Variants in GRIN2A observed in about 807,000 individuals in gnomAD.
GRIN2A encodes glutamate ionotropic receptor NMDA type subunit 2A.
GRIN2A carries 22 observed loss-of-function variants against 113.4 expected under a neutral mutation model. The observed-to-expected ratio is 0.19, with a 90% CI of 0.14 to 0.28. The LOEUF (loss-of-function observed/expected upper bound fraction) is 0.28, where lower values mean the gene tolerates loss of function less well. GRIN2A is among the 10% of genes least tolerant of loss of function. The probability of loss-of-function intolerance (pLI) is 1.00; values close to 1 mark genes in which losing one functional copy is unlikely to be tolerated. For missense variants in GRIN2A, 1,502 were observed against 1,887.0 expected (o/e 0.80, Z 3.78); for synonymous variants, 827 against 738.4 (o/e 1.12, Z -1.94).
chr16:10,077,686 C>T (rs574962003), intron 2 of GRIN2A, among the ~76,000 whole-genome samples: 61 of 152,334 alleles, frequency 4.0e-4, no homozygotes, highest in Non-Finnish European at 7.5e-4. Context: ...CTGCCCTCAT[C>T]TCCTTCCATC....
At chr16:10,171,829 A>C (rs1286769849) in intron 2 of GRIN2A, among the ~76,000 whole-genome samples, 1 of 152,198 alleles carries the variant, frequency 6.6e-6, no homozygotes, top group East Asian at 1.9e-4. Flanking sequence ...TAAATCTCAC[A>C]ACTCTACAAA....
At chr16:9,973,072 C>T (rs2045706115) in intron 2 of GRIN2A, among the ~76,000 whole-genome samples, 1 of 152,150 alleles carries the variant, frequency 6.6e-6, no homozygotes, top group Non-Finnish European at 1.5e-5. Context: ...GCCAGTTTAT[C>T]AATCTGGGTG....
At chr16:9,914,151 C>A (rs916413263) in intron 3 of GRIN2A, among the ~76,000 whole-genome samples, 4 of 151,588 alleles carry the variant, frequency 2.6e-5, no homozygotes, top group African/African-American at 9.7e-5. Flanking sequence ...ACACTAATTT[C>A]TTCCAGCTAA....
chr16:9,929,280 T>C (rs1017057276), intron 3 of GRIN2A, among the ~76,000 whole-genome samples: 1 of 152,196 alleles, frequency 6.6e-6, no homozygotes, highest in Non-Finnish European at 1.5e-5. Flanking sequence ...AGATTTCCAC[T>C]TGGATATCTC....
intron 3 of GRIN2A, among the ~76,000 whole-genome samples, chr16:9,918,310 G>A (rs2044292127): frequency 1.3e-5 from 2 of 152,192 alleles, no homozygotes; most frequent in South Asian, 4.1e-4. Context: ...TGAAACTGCA[G>A]ATAGTACAGA....
At chr16:10,174,660 T>C (rs1318612503) in intron 2 of GRIN2A, among the ~76,000 whole-genome samples, 10 of 152,180 alleles carry the variant, frequency 6.6e-5, no homozygotes, top group African/African-American at 2.4e-4. Context: ...CCAATTATTA[T>C]CTTGGAAATA....
intron 2 of GRIN2A, among the ~76,000 whole-genome samples, chr16:10,108,593 G>A (rs1475711925): frequency 6.6e-6 from 1 of 152,152 alleles, no homozygotes; most frequent in Non-Finnish European, 1.5e-5. Flanking sequence ...CAGAATTTGT[G>A]TTCACGGTTA....
chr16:9,927,887 A>C (rs914482405), intron 3 of GRIN2A, among the ~76,000 whole-genome samples: 1 of 152,238 alleles, frequency 6.6e-6, no homozygotes, highest in African/African-American at 2.4e-5. Context: ...ATTTTCTATC[A>C]CATGGAAAAC....
At chr16:10,147,631 T>G (rs1233864108) in intron 2 of GRIN2A, among the ~76,000 whole-genome samples, 14 of 91,764 alleles carry the variant, frequency 1.5e-4, no homozygotes, top group African/African-American at 4.9e-4. Context: ...AGTGAGGCCC[T>G]GTCTCAAAAA....
rs751145584 is a variant in GRIN2A at position 9,938,033 on chromosome 16, G to A, written c.933C>T (p.Ser311=). Residue 311 remains serine (S), a synonymous_variant, in exon 3 of 13, where the codon TCC becomes TCT. Coordinates refer to ENST00000330684, the MANE Select transcript of GRIN2A (RefSeq NM_001134407.3). ...TAASSMLEKF[S]YIPEAKASCY... ...AGCTGGCCTTGGCCTCGGGGATGTA[G>A]GAGAACTTCTCCAGCATAGAAGATG... The A allele has an allele frequency of 2.1e-5, 34 of 1,613,972 alleles. No homozygotes were observed. Among genetic ancestry groups the A allele is most frequent in the Non-Finnish European group, 2.7e-5 (32 of 1,180,000 alleles).
intron 3 of GRIN2A, among the ~76,000 whole-genome samples, chr16:9,893,034 C>A (rs1251471314): frequency 1.3e-5 from 2 of 151,654 alleles, no homozygotes; most frequent in African/African-American, 4.8e-5. Flanking sequence ...ATCCCTGGAC[C>A]AGCATGGTGC....
intron 2 of GRIN2A, among the ~76,000 whole-genome samples, chr16:10,159,314 G>A (rs934826733): frequency 6.6e-6 from 1 of 152,148 alleles, no homozygotes; most frequent in Non-Finnish European, 1.5e-5. Flanking sequence ...GGACAGGCCT[G>A]GGCAGGTTCA....
intron 2 of GRIN2A, among the ~76,000 whole-genome samples, chr16:10,151,927 C>T (rs998683879): frequency 6.6e-6 from 1 of 152,210 alleles, no homozygotes; most frequent in African/African-American, 2.4e-5. Context: ...GTGAGATATT[C>T]ATTCAAACCA....
intron 4 of GRIN2A, among the ~76,000 whole-genome samples, chr16:9,876,459 C>T (rs969134634): frequency 3.9e-5 from 6 of 152,126 alleles, no homozygotes; most frequent in African/African-American, 4.8e-5. Flanking sequence ...TGTGGGCTTC[C>T]GGAGCTCAGG....
chr16:9,956,679 G>A (rs773386298), intron 2 of GRIN2A, among the ~76,000 whole-genome samples: 2 of 152,198 alleles, frequency 1.3e-5, no homozygotes, highest in South Asian at 2.1e-4. Flanking sequence ...AACTACACAC[G>A]TGTAAAATTG....
chr16:9,975,995 C>A (rs1273817871), intron 2 of GRIN2A, among the ~76,000 whole-genome samples: 2 of 152,060 alleles, frequency 1.3e-5, no homozygotes, highest in African/African-American at 4.8e-5. Flanking sequence ...ATAACAGAAC[C>A]CCCAAAAATA....
At chr16:9,889,912 G>A (rs950642781) in intron 4 of GRIN2A, among the ~76,000 whole-genome samples, 3 of 152,182 alleles carry the variant, frequency 2.0e-5, no homozygotes, top group East Asian at 3.8e-4. Flanking sequence ...GCACTCGAAA[G>A]GCTGTGCATT....
Position 9,754,169 on chromosome 16 carries a change from A to C in GRIN2A, c.*8980T>G. The stretch of plus-strand genomic sequence containing the variant: ...GCTTGAAATATATATACTATACATA[A>C]ACATATACACATAAACATTCTGGGG... On this transcript the variant is annotated 3_prime_UTR_variant, in exon 13 of 13. Transcript: ENST00000330684. 5.4e-6 allele frequency: 1 copy of C among 186,888 alleles called. No homozygotes were observed. Among genetic ancestry groups the C allele is most frequent in the East Asian group, 8.6e-5 (1 of 11,600 alleles). The allele number at this position is 186,888 out of a possible 1,614,324, so 11.6% of individuals were successfully genotyped here. A position where few individuals can be genotyped will look rare whatever the true frequency, so the allele number is the denominator to read the frequency against.
rs997232447 is a variant in GRIN2A at position 9,757,683 on chromosome 16, T to C, written c.*5466A>G. The C allele has an allele frequency of 2.3e-5, 5 of 219,606 alleles. No individual in the cohort carries two copies. The highest frequency in any genetic ancestry group is 4.6e-5 in the Non-Finnish European group (5 of 109,496). The allele number at this position is 219,606 out of a possible 1,614,324, so 13.6% of individuals were successfully genotyped here. On this transcript the variant is annotated 3_prime_UTR_variant, in exon 13 of 13. Transcript: ENST00000330684. ...TGCATGATACATAGACCTCAATTAT[T>C]TCAATGGTCACTGCCAGCCTTTTAT...
Sources: allele counts gnomAD v4.1 joint callset (sites outside exome capture counted in the v4.1 genomes callset), GRCh38; gene constraint gnomAD v4.1.1; transcripts MANE v1.5; gene names NCBI Gene and HGNC (gene_info 2026-07-23, HGNC 2026-07-21).